EYS: variants seen among roughly 807,000 people sequenced by gnomAD.
EYS encodes EGF-like photoreceptor maintenance factor, also known as protein eyes shut homolog.
Under a neutral mutation model 282.1 loss-of-function variants are expected in EYS, and 250 were observed. The ratio of observed to expected loss-of-function variants is 0.89; its 90% confidence interval spans 0.80 to 0.98. The LOEUF is 0.98. EYS is among the 50% of genes least tolerant of loss of function. EYS has a pLI of 0.00. For synonymous variants in EYS, 1,355 were observed against 1,282.9 expected (o/e 1.06, Z -1.20); for missense variants, 4,016 against 3,709.0 (o/e 1.08, Z -2.15).
chr6:65,431,979 T>C (rs1187917661), intron 5 of EYS, among the ~76,000 whole-genome samples: 1 of 152,090 alleles, frequency 6.6e-6, no homozygotes, highest in Non-Finnish European at 1.5e-5. Flanking sequence ...TTAAAAATAA[T>C]TTAGAATACC....
intron 31 of EYS, among the ~76,000 whole-genome samples, chr6:64,096,338 C>A (rs1772612900): frequency 6.6e-6 from 1 of 152,204 alleles, no homozygotes; most frequent in Non-Finnish European, 1.5e-5. Context: ...TAATATACTG[C>A]AGAGTGTTTT....
intron 35 of EYS, among the ~76,000 whole-genome samples, chr6:63,907,448 G>T (rs1261754161): frequency 6.6e-6 from 1 of 152,034 alleles, no homozygotes; most frequent in African/African-American, 2.4e-5. Context: ...CTCAATTTTT[G>T]TCTCCTTTTC....
At chr6:65,325,217 C>T (rs1769586100) in intron 11 of EYS, among the ~76,000 whole-genome samples, 1 of 152,152 alleles carries the variant, frequency 6.6e-6, no homozygotes, top group South Asian at 2.1e-4. Flanking sequence ...CTCCTCCTCT[C>T]CCTTCTTCAT....
chr6:64,325,396 G>T (rs1385281930), intron 29 of EYS, among the ~76,000 whole-genome samples: 1 of 152,146 alleles, frequency 6.6e-6, no homozygotes, highest in Non-Finnish European at 1.5e-5. Context: ...CACCCTGTGG[G>T]ACAAAAGAAT....
intron 33 of EYS, among the ~76,000 whole-genome samples, chr6:64,022,244 A>G (rs1485821935): frequency 1.3e-5 from 2 of 152,178 alleles, no homozygotes; most frequent in Non-Finnish European, 2.9e-5. Context: ...TAACTTTATA[A>G]TTTTAAAAGT....
chr6:65,442,920 A>G (rs1055449827), intron 5 of EYS, among the ~76,000 whole-genome samples: 1 of 108,508 alleles, frequency 9.2e-6, no homozygotes, highest in African/African-American at 2.6e-5. Flanking sequence ...GCACATACAT[A>G]TGTACATATA....
intron 22 of EYS, among the ~76,000 whole-genome samples, chr6:64,757,791 G>T (rs200184493): frequency 1.1e-4 from 14 of 124,680 alleles, no homozygotes; most frequent in African/African-American, 3.8e-4. Flanking sequence ...TGTGTGTTTT[G>T]TTTGTTTGTT....
chr6:64,697,484 T>C (rs1412289134), intron 22 of EYS, among the ~76,000 whole-genome samples: 8 of 152,144 alleles, frequency 5.3e-5, no homozygotes, highest in South Asian at 2.1e-4. Context: ...GTCATTGAGA[T>C]AGAAAATCAG....
chr6:64,810,732 CA>C (rs1203828764), intron 22 of EYS, among the ~76,000 whole-genome samples: 4 of 151,974 alleles, frequency 2.6e-5, no homozygotes, highest in African/African-American at 9.7e-5. Flanking sequence ...AGTAAGACCT[CA>C]GGATAAATAC....
chr6:65,183,644 T>C (rs1346313834), intron 12 of EYS, among the ~76,000 whole-genome samples: 1 of 151,912 alleles, frequency 6.6e-6, no homozygotes, highest in Non-Finnish European at 1.5e-5. Flanking sequence ...CTTCTAATTT[T>C]ATATGCTTTT....
intron 35 of EYS, among the ~76,000 whole-genome samples, chr6:63,952,803 G>A (rs563089291): frequency 1.7e-4 from 26 of 152,120 alleles, no homozygotes; most frequent in African/African-American, 5.3e-4. Context: ...CCTCCTTGGG[G>A]ACTGATCATG....
intron 19 of EYS, among the ~76,000 whole-genome samples, chr6:64,823,885 C>T (rs1447137154): frequency 6.6e-6 from 1 of 151,912 alleles, no homozygotes; most frequent in East Asian, 1.9e-4. Flanking sequence ...AATTGGAAAA[C>T]ATGGTTCTTG....
chr6:64,543,277 T>C (rs1298747968), intron 26 of EYS, among the ~76,000 whole-genome samples: 3 of 152,126 alleles, frequency 2.0e-5, no homozygotes, highest in East Asian at 1.9e-4. Flanking sequence ...AAAAGAATCA[T>C]GAAATAATGT....
intron 35 of EYS, among the ~76,000 whole-genome samples, chr6:63,933,294 G>A (rs987848207): frequency 1.6e-4 from 25 of 151,938 alleles, no homozygotes; most frequent in East Asian, 7.8e-4. Context: ...GTGCAGTGGC[G>A]CGATCTTGGC....
At chr6:64,390,441 T>C (rs1241211958) in intron 28 of EYS, among the ~76,000 whole-genome samples, 1 of 151,942 alleles carries the variant, frequency 6.6e-6, no homozygotes, top group African/African-American at 2.4e-5. Context: ...ACGGGCAGAC[T>C]GCCTCCTCAA....
intron 12 of EYS, among the ~76,000 whole-genome samples, chr6:65,166,734 A>G (rs1764982207): frequency 6.6e-6 from 1 of 151,176 alleles, no homozygotes; most frequent in African/African-American, 2.4e-5. Context: ...AAAGGACACC[A>G]TCAGAAAAGT....
chr6:64,028,719 C>A (rs1175724353), intron 33 of EYS, among the ~76,000 whole-genome samples: 1 of 152,150 alleles, frequency 6.6e-6, no homozygotes, highest in South Asian at 2.1e-4. Context: ...AGATCTAGGC[C>A]ACTTCTCAAT....
chr6:64,614,956 T>A (rs150113266), intron 24 of EYS, among the ~76,000 whole-genome samples: 100 of 152,234 alleles, frequency 6.6e-4, no homozygotes, highest in Non-Finnish European at 1.1e-3. Context: ...CAGTGTTGTC[T>A]TCGTCCTTCA....
chr6:64,821,262 C>T (rs565532185), intron 21 of EYS, among the ~76,000 whole-genome samples: 47 of 152,070 alleles, frequency 3.1e-4, no homozygotes, highest in Middle Eastern at 3.4e-3. Flanking sequence ...TTAATTGAAT[C>T]CTATGTCATC....
Sources: gnomAD v4.1 joint callset for allele counts (sites outside exome capture counted in the v4.1 genomes callset) on GRCh38, gnomAD v4.1.1 for gene constraint, MANE v1.5 for transcripts, NCBI Gene and HGNC (gene_info 2026-07-23, HGNC 2026-07-21) for gene names.